The following CCNP variants were observed in gnomAD, a reference collection of about 807,000 sequenced individuals.
CCNP encodes the protein cyclin P, also known as cyclin-P.
Under a neutral mutation model 19.6 loss-of-function variants are expected in CCNP, and 18 were observed. That is an observed-to-expected ratio of 0.92 (90% CI 0.64 to 1.36). CCNP has a LOEUF of 1.36. Ranked by LOEUF, CCNP falls within the 40% of genes most tolerant of loss-of-function variation. The pLI, the probability that CCNP is intolerant of heterozygous loss-of-function variation, is 0.00. For missense variants in CCNP, 440 were observed against 424.4 expected (o/e 1.04, Z -0.32); for synonymous variants, 228 against 194.9 (o/e 1.17, Z -1.41).
In CCNP at chr19:40,222,898, C is replaced by A. The variant is rs1297924832; in HGVS notation, c.*154G>T. 3.5e-6 allele frequency: 2 copies of A among 565,672 alleles called. No homozygotes were observed. The highest frequency in any genetic ancestry group is 6.3e-6 in the Non-Finnish European group (2 of 315,500). 35.0% of individuals were successfully genotyped at this position (565,672 alleles called of 1,614,324 possible). ...CGAGGCCTGGGTGATCCTTCGTTCTCAGCCCTGGAAGGCAATAGGAGCATC... is the reference window on the plus strand; with the variant it reads ...CGAGGCCTGGGTGATCCTTCGTTCTAAGCCCTGGAAGGCAATAGGAGCATC... On this transcript the variant is annotated 3_prime_UTR_variant, in exon 5 of 5. Coordinates refer to ENST00000430325, the MANE Select transcript of CCNP (RefSeq NM_024877.4).
chr19:40,226,540 G>A lies in CCNP; in HGVS notation c.102C>T (p.Ser34=). 1 of 1,584,236 alleles carries A rather than the reference G, an allele frequency of 6.3e-7. No homozygotes were observed. Among genetic ancestry groups the A allele is most frequent in the Non-Finnish European group, 8.6e-7 (1 of 1,167,052 alleles). ...CGGCGCTTGAAGGCTCTGCGTCGAG[G>A]GAGGCAGCGAGACTCTGCAAAGGAG... ...RPSPLQSLAA[S]LDAEPSSAAV... is the part of the protein sequence containing the mutation. The change falls in exon 1 of 5, where the codon TCC becomes TCT. Residue 34 remains serine, a synonymous_variant. Coordinates refer to ENST00000430325, the MANE Select transcript of CCNP (RefSeq NM_024877.4).
chr19:40,222,915 A>G lies in CCNP; in HGVS notation c.*137T>C. ...TTCGTTCTCAGCCCTGGAAGGCAAT[A>G]GGAGCATCTTCTGGGCCTGGGAGAC... On this transcript the variant is annotated 3_prime_UTR_variant, in exon 5 of 5. Transcript: ENST00000430325. 2 of 588,008 alleles carry G rather than the reference A, an allele frequency of 3.4e-6. No homozygotes were observed. The highest frequency in any genetic ancestry group is 6.1e-6 in the Non-Finnish European group (2 of 329,436). The allele number at this position is 588,008 out of a possible 1,614,324, so 36.4% of individuals were successfully genotyped here. A position where few individuals can be genotyped will look rare whatever the true frequency, so the allele number is the denominator to read the frequency against.
intron 3 of CCNP, among the ~76,000 whole-genome samples, chr19:40,223,801 C>T (rs1291816737): frequency 6.6e-6 from 1 of 151,992 alleles, no homozygotes; most frequent in Non-Finnish European, 1.5e-5. Context: ...CAGCTACCCC[C>T]CGCCCCCCGT....
At position 40,224,754 on chromosome 19, in the gene CCNP, C is replaced by T. The variant is rs775726631; in HGVS notation, c.325G>A (p.Ala109Thr). 2 of 1,565,992 alleles carry T rather than the reference C, an allele frequency of 1.3e-6. No homozygotes were observed. The highest frequency in any genetic ancestry group is 1.4e-5 in the African/African-American group (1 of 73,534). The change falls in exon 2 of 5, where the codon GCC becomes ACC. Residue 109 changes from alanine (A) to threonine (T), a missense_variant. Physicochemically the swap from Ala to Thr is moderately conservative, Grantham distance 58. Transcript: ENST00000430325. ...LPRAVTPEMR[A>T]LVVDWLVQVH... The stretch of plus-strand genomic sequence containing the variant: ...TGGACCAGCCAGTCTACCACCAGGG[C>T]GCGCATCTCCGGGGTCACAGCGCGG...
Position 40,222,240 on chromosome 19 carries a change from G to A in CCNP, c.*812C>T, listed in dbSNP as rs1973454491. ...AAAATAAATTCTTTTATTGAGATGA[G>A]AGACGGACACACACTGGGAGGGTTT... On this transcript the variant is annotated 3_prime_UTR_variant, in exon 5 of 5. Transcript: ENST00000430325. The A allele has an allele frequency of 2.0e-5, 8 of 398,436 alleles. No individual in the cohort carries two copies. In the East Asian group the frequency reaches 2.8e-4, roughly 14 times the overall value. 24.7% of individuals were successfully genotyped at this position (398,436 alleles called of 1,614,324 possible).
intron 3 of CCNP, 74 bp from the exon 4 acceptor site, chr19:40,223,620 C>T: frequency 6.3e-7 from 1 of 1,597,778 alleles, no homozygotes; most frequent in South Asian, 1.1e-5. Context: ...CTGGAAAGGC[C>T]CCAAGTTCCG....
In CCNP at chr19:40,226,655, GT is replaced by G; in HGVS notation, c.-15del. ...TCTCACCAGCATCCTCCAGGAGGGT[GT>G]TGCGGGCGAGGCCAAGCACCGACCC... On this transcript the variant is annotated 5_prime_UTR_variant, in exon 1 of 5. Coordinates refer to ENST00000430325, the MANE Select transcript of CCNP (RefSeq NM_024877.4). 2 of 1,553,864 alleles carry G rather than the reference GT, an allele frequency of 1.3e-6. No individual in the cohort carries two copies. The highest frequency in any genetic ancestry group is 1.7e-6 in the Non-Finnish European group (2 of 1,153,030).
chr19:40,224,658 G>A lies in CCNP; in HGVS notation c.358-15C>T, dbSNP rs1376211096. The A allele has an allele frequency of 1.2e-6, 2 of 1,614,086 alleles. No individual in the cohort carries two copies. Among genetic ancestry groups the A allele is most frequent in the Non-Finnish European group, 1.7e-6 (2 of 1,179,968 alleles). ...CCCAGGTACTCCTGAGGAGGGGCAA[G>A]GGTGACCACGGGGTCCTGGGCGGCG... On this transcript the variant is annotated splice_polypyrimidine_tract_variant and intron_variant, in intron 2 of 4. Transcript: ENST00000430325.
Position 40,222,418 on chromosome 19 carries a change from A to G in CCNP, c.*634T>C. Reference sequence around the variant, plus strand: ...AGACTGCGGCGCGACCCGGCGCGGGACCTCGGAGCGCAGCGCGGGCCATGC... The same window carrying G: ...AGACTGCGGCGCGACCCGGCGCGGGGCCTCGGAGCGCAGCGCGGGCCATGC... On this transcript the variant is annotated 3_prime_UTR_variant, in exon 5 of 5. Coordinates refer to ENST00000430325, the MANE Select transcript of CCNP (RefSeq NM_024877.4). The G allele has an allele frequency of 2.5e-6, 1 of 398,568 alleles. No homozygotes were observed. The highest frequency in any genetic ancestry group is 4.4e-6 in the Non-Finnish European group (1 of 225,818). The allele number at this position is 398,568 out of a possible 1,614,324, so 24.7% of individuals were successfully genotyped here. A position where few individuals can be genotyped will look rare whatever the true frequency, so the allele number is the denominator to read the frequency against.
rs571702329 is a variant in CCNP, at chr19:40,222,261, G to A, written c.*791C>T. 74 of 398,688 alleles carry A rather than the reference G, an allele frequency of 1.9e-4. No homozygotes were observed. The East Asian group carries it at 2.6e-3, about 14-fold the overall frequency. The allele number at this position is 398,688 out of a possible 1,614,324, so 24.7% of individuals were successfully genotyped here. On this transcript the variant is annotated 3_prime_UTR_variant, in exon 5 of 5. Transcript: ENST00000430325. ...ATGAGAGACGGACACACACTGGGAGGGTTTTGTTTTTTGTTGTTGATTTTT... is the reference window on the plus strand; with the variant it reads ...ATGAGAGACGGACACACACTGGGAGAGTTTTGTTTTTTGTTGTTGATTTTT...
At position 40,222,245 on chromosome 19, in the gene CCNP, G is replaced by T. The variant is rs184954733; in HGVS notation, c.*807C>A. Reference sequence around the variant, plus strand: ...AAATTCTTTTATTGAGATGAGAGACGGACACACACTGGGAGGGTTTTGTTT... The same window carrying T: ...AAATTCTTTTATTGAGATGAGAGACTGACACACACTGGGAGGGTTTTGTTT... On this transcript the variant is annotated 3_prime_UTR_variant, in exon 5 of 5. Coordinates refer to ENST00000430325, the MANE Select transcript of CCNP (RefSeq NM_024877.4). The T allele has an allele frequency of 7.5e-6, 3 of 398,420 alleles. No homozygotes were observed. The highest frequency in any genetic ancestry group is 1.3e-4 in the South Asian group (1 of 7,824). The allele number at this position is 398,420 out of a possible 1,614,324, so 24.7% of individuals were successfully genotyped here. A position where few individuals can be genotyped will look rare whatever the true frequency, so the allele number is the denominator to read the frequency against.
Position 40,223,064 on chromosome 19 carries a change from TCTCA to T in CCNP, c.908_911del (p.Met303LysfsTer42). 2.0e-6 allele frequency: 3 copies of T among 1,533,358 alleles called. 1 individual carries two copies. The highest frequency in any genetic ancestry group is 2.4e-5 in the South Asian group (2 of 83,040). 95.0% of individuals were successfully genotyped at this position (1,533,358 alleles called of 1,614,324 possible). A position where few individuals can be genotyped will look rare whatever the true frequency, so the allele number is the denominator to read the frequency against. ...TGCCACCTCCTCCTCAATAATTGTC[TCTCA>T]TTCTCCGAGACCGTAAAAATGACCA... On this transcript the variant is annotated frameshift_variant, in exon 5 of 5. Coordinates refer to ENST00000430325, the MANE Select transcript of CCNP (RefSeq NM_024877.4). LOFTEE classifies it high-confidence loss of function.
chr19:40,223,558 G>C lies in CCNP; in HGVS notation c.514-12C>G, dbSNP rs375364453. The C allele has an allele frequency of 2.5e-6, 4 of 1,597,954 alleles. No homozygotes were observed. The African/African-American group carries it at 5.4e-5, about 21-fold the overall frequency. On this transcript the variant is annotated splice_polypyrimidine_tract_variant and intron_variant, in intron 3 of 4. Coordinates refer to ENST00000430325, the MANE Select transcript of CCNP (RefSeq NM_024877.4). ...CAGAGGAAGGCGGGCTGCAGATGGG[G>C]GATGCGGGGGGAGGTGAAGGAGTCT...
rs2145114767 is a variant in CCNP, at chr19:40,223,282, A to G, written c.694T>C (p.Phe232Leu). ...GCCTCCAGCAAAGACAGCTCCAGGA[A>G]GTAGGTGGCAAGTAACATCACCTGC... The part of the protein sequence containing the change: ...SPQVMLLATY[F>L]LELSLLEAEA... Residue 232 changes from phenylalanine (F) to leucine (L), a missense_variant, in exon 5 of 5, where the codon TTC (phenylalanine) becomes CTC (leucine). By Grantham distance (22) the Phe-to-Leu change is conservative (BLOSUM62 0). Coordinates refer to ENST00000430325, the MANE Select transcript of CCNP (RefSeq NM_024877.4). 1 of 1,528,520 alleles carries G rather than the reference A, an allele frequency of 6.5e-7. No homozygotes were observed. The highest frequency in any genetic ancestry group is 1.4e-5 in the African/African-American group (1 of 72,212). The allele number at this position is 1,528,520 out of a possible 1,614,324, so 94.7% of individuals were successfully genotyped here.
Position 40,223,629 on chromosome 19 carries a change from C to T in CCNP, c.514-83G>A, listed in dbSNP as rs374223999. 1.0e-5 allele frequency: 16 copies of T among 1,586,018 alleles called. No individual in the cohort carries two copies. The African/African-American group carries it at 1.5e-4, about 15-fold the overall frequency. On this transcript the variant is annotated intron_variant, in intron 3 of 4. Transcript: ENST00000430325. ...CCTGCCCTGGAAAGGCCCCAAGTTC[C>T]GGACCTCAGTTTCCTGGTGTGTAAA...
chr19:40,223,309 A>AG lies in CCNP; in HGVS notation c.673-7dup. ...TAGGTGGCAAGTAACATCACCTGCA[A>AG]GTGAGGCGGGGCGACTGTCAGGCCA... On this transcript the variant is annotated splice_polypyrimidine_tract_variant and splice_region_variant and intron_variant, in intron 4 of 4. Coordinates refer to ENST00000430325, the MANE Select transcript of CCNP (RefSeq NM_024877.4). 6.6e-7 allele frequency: 1 copy of AG among 1,513,046 alleles called. No homozygotes were observed. Among genetic ancestry groups the AG allele is most frequent in the Non-Finnish European group, 8.9e-7 (1 of 1,126,238 alleles). 93.7% of individuals were successfully genotyped at this position (1,513,046 alleles called of 1,614,324 possible).
chr19:40,226,551 G>A lies in CCNP; in HGVS notation c.91C>T (p.Leu31Phe). The A allele has an allele frequency of 6.3e-7, 1 of 1,581,268 alleles. No homozygotes were observed. The highest frequency in any genetic ancestry group is 8.6e-7 in the Non-Finnish European group (1 of 1,165,938). The change falls in exon 1 of 5, where the codon CTC (leucine) becomes TTC (phenylalanine). Residue 31 changes from leucine to phenylalanine, a missense_variant. Coordinates refer to ENST00000430325, the MANE Select transcript of CCNP (RefSeq NM_024877.4). ...GGCTCTGCGTCGAGGGAGGCAGCGA[G>A]ACTCTGCAAAGGAGAGGGCCTGGGG... ...WAPRPSPLQS[L>F]AASLDAEPSS...
chr19:40,223,748 T>C (rs1349061887), intron 3 of CCNP: 1 of 690,036 alleles, frequency 1.4e-6, no homozygotes, highest in Non-Finnish European at 2.5e-6. Flanking sequence ...CCCCATCATC[T>C]GCTCACTGTG....
chr19:40,223,894 G>A (rs1355984359), intron 3 of CCNP, among the ~76,000 whole-genome samples: 3 of 151,894 alleles, frequency 2.0e-5, no homozygotes, highest in Non-Finnish European at 2.9e-5. Context: ...TATTCAAGAT[G>A]GACTAGTTTA....
Sources: gnomAD v4.1 joint callset for allele counts (sites outside exome capture counted in the v4.1 genomes callset) on GRCh38, gnomAD v4.1.1 for gene constraint, MANE v1.5 for transcripts, NCBI Gene and HGNC (gene_info 2026-07-23, HGNC 2026-07-21) for gene names.